FLII: variants seen among roughly 807,000 people sequenced by gnomAD.
The protein encoded by FLII is FLII actin remodeling protein.
A neutral mutation model predicts 156.2 loss-of-function variants in FLII; 101 were observed. That is an observed-to-expected ratio of 0.65 (90% CI 0.55 to 0.76). The LOEUF (loss-of-function observed/expected upper bound fraction) is 0.76. Ranked by LOEUF, FLII falls within the 30% of genes least tolerant of loss-of-function variation. FLII has a pLI of 0.00. For synonymous variants in FLII, 767 were observed against 685.8 expected, an observed-to-expected ratio of 1.12 and a Z score of -1.85; for missense variants, 1,675 against 1,682.8, an observed-to-expected ratio of 1.00 and a Z score of 0.08.
chr17:18,246,065 G>A lies in FLII; in HGVS notation c.3268-3C>T. 6.2e-7 allele frequency: 1 copy of A among 1,614,130 alleles called. No homozygotes were observed. Among genetic ancestry groups the A allele is most frequent in the Non-Finnish European group, 8.5e-7 (1 of 1,180,014 alleles). On this transcript the variant is annotated splice_region_variant and splice_polypyrimidine_tract_variant and intron_variant, in intron 25 of 29. Coordinates refer to ENST00000327031, the MANE Select transcript of FLII (RefSeq NM_002018.4). ...TTGTCCTCACTCTCAAAGGGAACCTGGGGAGTGTGCAGGGGTGGGGGTGTT... is the reference window on the plus strand; with the variant it reads ...TTGTCCTCACTCTCAAAGGGAACCTAGGGAGTGTGCAGGGGTGGGGGTGTT...
At chr17:18,247,581 T>G in intron 20 of FLII, 76 bp downstream of exon 20, 1 of 1,332,796 alleles carries the variant, frequency 7.5e-7, no homozygotes, top group African/African-American at 1.5e-5. Flanking sequence ...TGTAGGGAGG[T>G]AGTGAAGCCA....
chr17:18,258,837 C>T (rs1055642985), upstream of FLII: 1 of 368,760 alleles, frequency 2.7e-6, no homozygotes, highest in Admixed American at 5.0e-5. This position sits in a 1 kb window ranked among gnomAD's most constrained non-coding sequence, Gnocchi z 4.2. Flanking sequence ...AGGCTTTAGG[C>T]CTCTTAGGGC....
At position 18,252,476 on chromosome 17, in the gene FLII, A is replaced by C; in HGVS notation, c.1094T>G (p.Ile365Ser). Residue 365 changes from isoleucine (I) to serine (S), a missense_variant, in exon 10 of 30, where the codon ATC (isoleucine) becomes AGC (serine). Ile to Ser is a moderately radical substitution (Grantham distance 142, BLOSUM62 -2). Coordinates refer to ENST00000327031, the MANE Select transcript of FLII (RefSeq NM_002018.4). The stretch of plus-strand genomic sequence containing the variant: ...CTCAAACCCAGCATGCCTGACCTCG[A>C]TCTCCGTCAGGAAATGGATGGCTTC... Reference protein sequence around the residue: ...LPEAIHFLTEIEVLDVRENPN... With the variant: ...LPEAIHFLTESEVLDVRENPN... The C allele has an allele frequency of 1.2e-6, 2 of 1,613,592 alleles. No individual in the cohort carries two copies. Among genetic ancestry groups the C allele is most frequent in the Non-Finnish European group, 1.7e-6 (2 of 1,179,890 alleles).
chr17:18,249,881 G>T (rs2048206856), intron 14 of FLII, among the ~76,000 whole-genome samples: 1 of 152,032 alleles, frequency 6.6e-6, no homozygotes, highest in Admixed American at 6.6e-5. Flanking sequence ...TACTTTGGGA[G>T]GCCAAGGCGG....
intron 7 of FLII, 172 bp from the exon 8 acceptor site, chr17:18,253,891 C>T (rs750058522): frequency 7.7e-5 from 62 of 801,324 alleles, no homozygotes; most frequent in Non-Finnish European, 1.1e-4. Context: ...ATGGGGGTTG[C>T]GGGGGAGTTT....
rs267604767 is a variant in FLII, at chr17:18,252,487, G to A, written c.1083C>T (p.Phe361=). The A allele has an allele frequency of 6.2e-7, 1 of 1,613,612 alleles. No homozygotes were observed. Among genetic ancestry groups the A allele is most frequent in the Non-Finnish European group, 8.5e-7 (1 of 1,179,974 alleles). Residue 361 remains phenylalanine (F), a synonymous_variant, in exon 10 of 30, where the codon TTC becomes TTT. Transcript: ENST00000327031. ...CATGCCTGACCTCGATCTCCGTCAG[G>A]AAATGGATGGCTTCTGGGAGGGTCA... is the stretch of plus-strand genomic sequence containing the variant. ...HLVTLPEAIH[F]LTEIEVLDVR... is the part of the protein sequence containing the mutation.
In FLII at chr17:18,249,409, C is replaced by CTG. The variant is rs757873184; in HGVS notation, c.1777-3_1777-2dup. ...TGTAGGAGATGTCGTTGTCAAACAC[C>CTG]TGTGTGTGTGAGGGTGTGGTTCTTC... On this transcript the variant is annotated splice_acceptor_variant, in intron 14 of 29. Coordinates refer to ENST00000327031, the MANE Select transcript of FLII (RefSeq NM_002018.4). LOFTEE classifies it high-confidence loss of function. 141 of 1,613,506 alleles carry CTG rather than the reference C, an allele frequency of 8.7e-5. No individual in the cohort carries two copies. In the South Asian group the frequency reaches 1.4e-3, roughly 16 times the overall value.
intron 21 of FLII, 39 bp downstream of exon 21, chr17:18,247,130 A>ACCCCCC: frequency 2.1e-6 from 2 of 956,716 alleles, no homozygotes; most frequent in Non-Finnish European, 1.4e-6. Context: ...CCTGCCCCCC[A>ACCCCCC]CCCCCCCCCC....
At position 18,248,786 on chromosome 17, in the gene FLII, C is replaced by T. The variant is rs1347826601; in HGVS notation, c.2018+14G>A. The T allele has an allele frequency of 5.0e-6, 8 of 1,613,690 alleles. No individual in the cohort carries two copies. The highest frequency in any genetic ancestry group is 6.8e-6 in the Non-Finnish European group (8 of 1,179,732). On this transcript the variant is annotated intron_variant, in intron 17 of 29. Coordinates refer to ENST00000327031, the MANE Select transcript of FLII (RefSeq NM_002018.4). ...CCTTTCCTTCACACAAAAGACCCCA[C>T]GGTGTCCTTGTACCTGGCCTTGGTG...
In FLII at chr17:18,254,869, C is replaced by A. The variant is rs950688098; in HGVS notation, c.328-15G>T. On this transcript the variant is annotated splice_polypyrimidine_tract_variant and intron_variant, in intron 4 of 29. Transcript: ENST00000327031. The stretch of plus-strand genomic sequence containing the variant: ...TGGCTCAAGTCCTGGGTAGAAGGGG[C>A]AAGACCCAGGTCAGGGGAGTCTCCT... The A allele has an allele frequency of 2.5e-6, 4 of 1,613,514 alleles. No homozygotes were observed. Among genetic ancestry groups the A allele is most frequent in the Non-Finnish European group, 3.4e-6 (4 of 1,179,508 alleles).
chr17:18,245,527 A>G (rs763618329), intron 28 of FLII, 28 bp downstream of exon 28: 4 of 1,612,220 alleles, frequency 2.5e-6, no homozygotes, highest in Non-Finnish European at 3.4e-6. Flanking sequence ...GCCTCCTTGG[A>G]TGGGCAGGGC....
rs1264181372 is a variant in FLII at position 18,250,716 on chromosome 17, C to T, written c.1776+122G>A. 3.2e-5 allele frequency: 34 copies of T among 1,069,952 alleles called. No individual in the cohort carries two copies. In the East Asian group the frequency reaches 8.2e-4, roughly 26 times the overall value. The allele number at this position is 1,069,952 out of a possible 1,614,324, so 66.3% of individuals were successfully genotyped here. On this transcript the variant is annotated intron_variant, in intron 14 of 29. Coordinates refer to ENST00000327031, the MANE Select transcript of FLII (RefSeq NM_002018.4). ...CCCGCACAGTATCGTTGATCCACCCCCTTTAACCCCAGCTCCCTGCCTGCC... is the reference window on the plus strand; with the variant it reads ...CCCGCACAGTATCGTTGATCCACCCTCTTTAACCCCAGCTCCCTGCCTGCC...
intron 9 of FLII, 37 bp from the exon 10 acceptor site, chr17:18,252,593 G>A (rs1306413916): frequency 6.4e-7 from 1 of 1,561,444 alleles, no homozygotes; most frequent in Non-Finnish European, 8.8e-7. Context: ...TCAGGCAGGT[G>A]ACAGACAAGG....
Position 18,247,931 on chromosome 17 carries a change from G to C in FLII, c.2293C>G (p.Leu765Val), listed in dbSNP as rs769713046. Residue 765 changes from leucine to valine, a missense_variant and splice_region_variant, in exon 19 of 30, where the codon CTG (leucine) becomes GTG (valine). Physicochemically the swap from Leu to Val is conservative, Grantham distance 32. This residue lies in a region of FLII where 1,332 missense variants were observed against 1,269.3 expected (regional missense o/e 1.05). Transcript: ENST00000327031. Reference protein sequence around the residue: ...PKVELMPRMRLLQSLLDTRCV... With the variant: ...PKVELMPRMRVLQSLLDTRCV... ...CGCCCTCCTCCTGCATCTCTTACCA[G>C]CCGCATTCTTGGCATCAGCTCCACC... 8 of 1,613,870 alleles carry C rather than the reference G, an allele frequency of 5.0e-6. No individual in the cohort carries two copies. Among genetic ancestry groups the C allele is most frequent in the Admixed American group, 1.7e-5 (1 of 60,022 alleles).
At position 18,247,977 on chromosome 17, in the gene FLII, C is replaced by T. The variant is rs1197490324; in HGVS notation, c.2247G>A (p.Val749=). ...ELPQINYKLS[V]EHKQRPKVEL... ...CCACCTTGGGACGCTGCTTATGTTC[C>T]ACGGAGAGCTTGTAGTTGATCTGTG... is the stretch of plus-strand genomic sequence containing the variant. The change falls in exon 19 of 30, where the codon GTG becomes GTA. Residue 749 remains valine (V), a synonymous_variant. Transcript: ENST00000327031. The T allele has an allele frequency of 6.2e-7, 1 of 1,614,112 alleles. No individual in the cohort carries two copies. Among genetic ancestry groups the T allele is most frequent in the Admixed American group, 1.7e-5 (1 of 60,006 alleles).
At chr17:18,257,175 A>C in intron 1 of FLII, 156 bp from the exon 2 acceptor site, 1 of 559,636 alleles carries the variant, frequency 1.8e-6, no homozygotes, top group Non-Finnish European at 3.2e-6. Context: ...CAATTTCTTC[A>C]CCCATAGAAT....
intron 9 of FLII, 111 bp from the exon 10 acceptor site, chr17:18,252,667 G>A (rs936984756): frequency 2.8e-5 from 23 of 807,324 alleles, no homozygotes; most frequent in Non-Finnish European, 4.7e-5. Context: ...AGGAACTGGC[G>A]GGGGTCTCCA....
At position 18,246,988 on chromosome 17, in the gene FLII, C is replaced by T; in HGVS notation, c.2741G>A (p.Gly914Asp). 1 of 1,614,120 alleles carries T rather than the reference C, an allele frequency of 6.2e-7. No homozygotes were observed. The highest frequency in any genetic ancestry group is 8.5e-7 in the Non-Finnish European group (1 of 1,180,028). Residue 914 changes from glycine (G) to aspartate (D), a missense_variant, in exon 22 of 30, where the codon GGC becomes GAC. By Grantham distance (94) the Gly-to-Asp change is moderately conservative (BLOSUM62 -1). Around this residue, in one of 2 missense-constraint regions of FLII, gnomAD observed 1,332 missense variants for 1,269.3 expected, o/e 1.05. Coordinates refer to ENST00000327031, the MANE Select transcript of FLII (RefSeq NM_002018.4). Reference sequence around the variant, plus strand: ...TTCCGGCAGCCGCGCAAACTTCTTGCCCTCCAGCACGAAACCCTCCATGCC... The same window carrying T: ...TTCCGGCAGCCGCGCAAACTTCTTGTCCTCCAGCACGAAACCCTCCATGCC... The part of the protein sequence containing the change: ...LDGMEGFVLE[G>D]KKFARLPEEE...
In FLII at chr17:18,249,214, C is replaced by T; in HGVS notation, c.1860-13G>A. ...CACACGATACATCCTGGGCGCAGGGCAAGAGTGGCTCAGTGTAGGCACCAA... is the reference window on the plus strand; with the variant it reads ...CACACGATACATCCTGGGCGCAGGGTAAGAGTGGCTCAGTGTAGGCACCAA... On this transcript the variant is annotated splice_polypyrimidine_tract_variant and intron_variant, in intron 15 of 29. Transcript: ENST00000327031. 2 of 1,614,134 alleles carry T rather than the reference C, an allele frequency of 1.2e-6. No homozygotes were observed. The highest frequency in any genetic ancestry group is 1.7e-6 in the Non-Finnish European group (2 of 1,179,988).
Sources: gnomAD v4.1 joint callset for allele counts (sites outside exome capture counted in the v4.1 genomes callset) on GRCh38, gnomAD v4.1.1 for gene constraint, gnomAD v4.1.1 regional missense constraint, Gnocchi (gnomAD v3.1) non-coding constraint, MANE v1.5 for transcripts, NCBI Gene and HGNC (gene_info 2026-07-23, HGNC 2026-07-21) for gene names.